PPP4R3B: variants seen among roughly 807,000 people sequenced by gnomAD.
The protein encoded by PPP4R3B is serine/threonine-protein phosphatase 4 regulatory subunit 3B.
Under a neutral mutation model 95.4 loss-of-function variants are expected in PPP4R3B, and 52 were observed. The observed-to-expected ratio is 0.54, with a 90% CI of 0.44 to 0.69. The LOEUF is 0.69. PPP4R3B is among the 30% of genes least tolerant of loss of function. The pLI, the probability that PPP4R3B is intolerant of heterozygous loss-of-function variation, is 0.00. For missense variants in PPP4R3B, 1,003 were observed against 1,005.9 expected (o/e 1.00, Z 0.04); for synonymous variants, 407 against 343.9 (o/e 1.18, Z -2.03).
chr2:55,614,337 C>T (rs867232376), intron 2 of PPP4R3B: 27 of 152,072 alleles, frequency 1.8e-4, no homozygotes, highest in Middle Eastern at 3.4e-3. Context: ...ATACCACACA[C>T]AAAAAAGAAT....
intron 13 of PPP4R3B, 22 bp downstream of exon 13, chr2:55,568,169 TAAC>T: frequency 7.1e-7 from 1 of 1,411,564 alleles, no homozygotes. Flanking sequence ...TTACATATAA[TAAC>T]AGCTGTTTTA....
In PPP4R3B at chr2:55,598,686, C is replaced by G. The variant is rs1383428616; in HGVS notation, c.651G>C (p.Glu217Asp). ...ATLFEVMFSD[E>D]CIMDVVGCLE... is the part of the protein sequence containing the mutation. ...GGCATCCCACGACATCCATGATACA[C>G]TCATCAGAAAACATTACCTCAAAAA... The change falls in exon 4 of 17, where the codon GAG (glutamate) becomes GAC (aspartate). Residue 217 changes from glutamate (E) to aspartate (D), a missense_variant. Glu to Asp is a conservative substitution (Grantham distance 45). Coordinates refer to ENST00000616407, the MANE Select transcript of PPP4R3B (RefSeq NM_001122964.3). The G allele has an allele frequency of 1.2e-6, 2 of 1,614,204 alleles. No homozygotes were observed. Among genetic ancestry groups the G allele is most frequent in the South Asian group, 1.1e-5 (1 of 91,082 alleles).
chr2:55,568,117 C>G, intron 13 of PPP4R3B, 77 bp downstream of exon 13: 1 of 1,021,032 alleles, frequency 9.8e-7, no homozygotes, highest in Non-Finnish European at 1.3e-6. Flanking sequence ...AGTCACTTTG[C>G]TTACATGTAA....
chr2:55,551,074 T>A (rs1337712820), intron 16 of PPP4R3B, among the ~76,000 whole-genome samples: 1 of 152,060 alleles, frequency 6.6e-6, no homozygotes, highest in African/African-American at 2.4e-5. Context: ...AAACAAAACT[T>A]TGGGGCTGGG....
chr2:55,604,855 CCTT>C (rs1193524407), intron 2 of PPP4R3B, among the ~76,000 whole-genome samples: 2 of 151,964 alleles, frequency 1.3e-5, no homozygotes, highest in Admixed American at 6.6e-5. Flanking sequence ...GTTGTTTCCT[CCTT>C]GAGACAGGGT....
chr2:55,598,124 G>C (rs1213855628), intron 4 of PPP4R3B, among the ~76,000 whole-genome samples: 1 of 152,040 alleles, frequency 6.6e-6, no homozygotes, highest in Non-Finnish European at 1.5e-5. Flanking sequence ...GGAGGCTGAG[G>C]AAGAAGAATT....
intron 11 of PPP4R3B, among the ~76,000 whole-genome samples, chr2:55,576,022 A>G (rs563856191): frequency 2.6e-5 from 4 of 151,702 alleles, no homozygotes; most frequent in African/African-American, 9.8e-5. Context: ...CCAGTACCAC[A>G]GCCAAAATTT....
At chr2:55,586,799 A>AT (rs1371013632) in intron 5 of PPP4R3B, 65 bp from the exon 6 acceptor site, 2 of 935,302 alleles carry the variant, frequency 2.1e-6, no homozygotes, top group African/African-American at 3.3e-5. Context: ...TATAGTAATC[A>AT]TCTACCATGG....
At chr2:55,553,596 C>T (rs1685498268) in intron 16 of PPP4R3B, among the ~76,000 whole-genome samples, 3 of 152,050 alleles carry the variant, frequency 2.0e-5, no homozygotes, top group African/African-American at 7.2e-5. Flanking sequence ...ATAAACAGTC[C>T]TCATTCCCCC....
In PPP4R3B at chr2:55,607,765, G is replaced by A. The variant is rs569150621; in HGVS notation, c.199-3689C>T. 2.6e-4 allele frequency among the ~76,000 whole-genome samples: 40 copies of A among 152,184 alleles called. 1 individual carries two copies. Among genetic ancestry groups the A allele is most frequent in the African/African-American group, 7.7e-4 (32 of 41,536 alleles). ...AGGATGGCGGATGGGGTTCAAAGCC[G>A]CAATCTTCTAACCATGCCTTGGTCC... is the stretch of plus-strand genomic sequence containing the variant. On this transcript the variant is annotated intron_variant, in intron 2 of 16. Coordinates refer to ENST00000616407, the MANE Select transcript of PPP4R3B (RefSeq NM_001122964.3).
At chr2:55,579,952 T>G (rs1261487847) in intron 8 of PPP4R3B, among the ~76,000 whole-genome samples, 171 bp from the exon 9 acceptor site, 1 of 152,156 alleles carries the variant, frequency 6.6e-6, no homozygotes, top group African/African-American at 2.4e-5. Flanking sequence ...AACACTTGGT[T>G]ATACGTTGTC....
At chr2:55,580,038 G>A (rs11890141) in intron 8 of PPP4R3B, among the ~76,000 whole-genome samples, 107,189 of 152,006 alleles carry the variant, frequency 0.71, 38,609 homozygotes, top group Non-Finnish European at 0.77. Context: ...TTCATATTAT[G>A]TACTAAGTAA....
intron 15 of PPP4R3B, among the ~76,000 whole-genome samples, chr2:55,561,512 G>A (rs913198899): frequency 6.6e-6 from 1 of 152,206 alleles, no homozygotes; most frequent in Non-Finnish European, 1.5e-5. Flanking sequence ...ACCTGGAAAA[G>A]CCACAGGCAC....
At chr2:55,594,127 C>G (rs1374406972) in intron 4 of PPP4R3B, among the ~76,000 whole-genome samples, 1 of 151,946 alleles carries the variant, frequency 6.6e-6, no homozygotes, top group Non-Finnish European at 1.5e-5. Context: ...ATGGAAATAA[C>G]AGACACTGGG....
intron 11 of PPP4R3B, 102 bp downstream of exon 11, chr2:55,577,213 T>G (rs1052769867): frequency 1.4e-6 from 2 of 1,391,624 alleles, no homozygotes; most frequent in Admixed American, 3.0e-5. Flanking sequence ...TTTGTTTTTA[T>G]GCCAAAATAT....
intron 6 of PPP4R3B, among the ~76,000 whole-genome samples, chr2:55,585,453 A>C (rs111493242): frequency 6.6e-6 from 1 of 152,184 alleles, no homozygotes; most frequent in South Asian, 2.1e-4. Context: ...AATACCTTAC[A>C]AATGCTGTAA....
chr2:55,578,219 G>T (rs1688952552), intron 10 of PPP4R3B, 28 bp downstream of exon 10: 2 of 1,369,586 alleles, frequency 1.5e-6, no homozygotes, highest in Non-Finnish European at 1.9e-6. Flanking sequence ...AGTAAATATA[G>T]GAGTGATACA....
At position 55,598,518 on chromosome 2, in the gene PPP4R3B, C is replaced by T; in HGVS notation, c.819G>A (p.Gln273=). Reference sequence around the variant, plus strand: ...CAGATGGTGTGGGCAAAATGATGTCCTGAATGTACTGTACCCTGTAAGTCT... The same window carrying T: ...CAGATGGTGTGGGCAAAATGATGTCTTGAATGTACTGTACCCTGTAAGTCT... ...IHQTYRVQYI[Q]DIILPTPSVF... is the part of the protein sequence containing the mutation. The change falls in exon 4 of 17, where the codon CAG becomes CAA. Residue 273 remains glutamine (Q), a synonymous_variant. Transcript: ENST00000616407. 1 of 1,614,104 alleles carries T rather than the reference C, an allele frequency of 6.2e-7. No individual in the cohort carries two copies. The highest frequency in any genetic ancestry group is 2.2e-5 in the East Asian group (1 of 44,880).
chr2:55,605,707 A>G (rs1463033137), intron 2 of PPP4R3B, among the ~76,000 whole-genome samples: 47 of 152,140 alleles, frequency 3.1e-4, no homozygotes, highest in Non-Finnish European at 1.3e-4. Flanking sequence ...AGAGATGAAG[A>G]CCATCCTGGC....
Sources: gnomAD v4.1 joint callset for allele counts (sites outside exome capture counted in the v4.1 genomes callset) on GRCh38, gnomAD v4.1.1 for gene constraint, MANE v1.5 for transcripts, NCBI Gene and HGNC (gene_info 2026-07-23, HGNC 2026-07-21) for gene names.